The following KCNH7 variants were observed in gnomAD, a reference collection of about 807,000 sequenced individuals.
KCNH7 encodes the protein potassium voltage-gated channel subfamily H member 7.
Under a neutral mutation model 120.8 loss-of-function variants are expected in KCNH7, and 49 were observed. That is an observed-to-expected ratio of 0.41 (90% confidence interval 0.32 to 0.51). KCNH7 has a LOEUF of 0.51. Among genes scored for constraint, KCNH7 ranks in the 20% least tolerant of loss-of-function variants. The pLI, the probability that KCNH7 is intolerant of heterozygous loss-of-function variation, is 0.38. For synonymous variants in KCNH7, 547 were observed against 516.1 expected (o/e 1.06, Z -0.81); for missense variants, 1,097 against 1,446.6 (o/e 0.76, Z 3.92).
intron 3 of KCNH7, among the ~76,000 whole-genome samples, chr2:162,535,138 G>A (rs1692064245): frequency 6.6e-6 from 1 of 151,622 alleles, no homozygotes; most frequent in African/African-American, 2.4e-5. Context: ...TCAATTAATG[G>A]GGAATGTTTG....
At chr2:162,609,655 G>A (rs574664114) in intron 2 of KCNH7, among the ~76,000 whole-genome samples, 3 of 152,278 alleles carry the variant, frequency 2.0e-5, no homozygotes, top group South Asian at 4.1e-4. Flanking sequence ...CATAAATGAA[G>A]TTAAGGCAAA....
chr2:162,546,728 A>G (rs1255024461), intron 2 of KCNH7, among the ~76,000 whole-genome samples: 1 of 152,178 alleles, frequency 6.6e-6, no homozygotes, highest in Non-Finnish European at 1.5e-5. Context: ...ATAGCTTAGA[A>G]TGAATAAAAT....
At chr2:162,764,265 C>T (rs969765410) in intron 2 of KCNH7, among the ~76,000 whole-genome samples, 9 of 152,022 alleles carry the variant, frequency 5.9e-5, no homozygotes, top group Admixed American at 5.2e-4. Flanking sequence ...GCAGCAGCTA[C>T]AAGAAGCCAT....
intron 9 of KCNH7, among the ~76,000 whole-genome samples, chr2:162,401,585 C>A (rs1044351043): frequency 2.0e-5 from 3 of 151,866 alleles, no homozygotes; most frequent in Admixed American, 1.3e-4. Context: ...AAAAAACATA[C>A]AATTATTACT....
At chr2:162,543,332 C>A (rs1312737485) in intron 2 of KCNH7, among the ~76,000 whole-genome samples, 1 of 151,810 alleles carries the variant, frequency 6.6e-6, no homozygotes, top group African/African-American at 2.4e-5. Context: ...GATTAAATTA[C>A]AACAATAGTG....
intron 2 of KCNH7, among the ~76,000 whole-genome samples, chr2:162,558,439 G>A (rs1363949696): frequency 6.6e-6 from 1 of 150,616 alleles, no homozygotes; most frequent in Non-Finnish European, 1.5e-5. Flanking sequence ...CTCCCAAAGT[G>A]CTGGGATTAC....
chr2:162,418,973 A>G (rs1687620482), intron 9 of KCNH7, among the ~76,000 whole-genome samples: 1 of 151,944 alleles, frequency 6.6e-6, no homozygotes. Context: ...CTCGATTAAA[A>G]GCTCCAAAAG....
chr2:162,670,366 C>T (rs1204057020), intron 2 of KCNH7, among the ~76,000 whole-genome samples: 7 of 143,198 alleles, frequency 4.9e-5, no homozygotes, highest in Admixed American at 4.4e-4. Flanking sequence ...CTTAGCTACT[C>T]GGGAGTCTGA....
At chr2:162,569,130 T>C (rs1372129258) in intron 2 of KCNH7, among the ~76,000 whole-genome samples, 1 of 152,076 alleles carries the variant, frequency 6.6e-6, no homozygotes, top group African/African-American at 2.4e-5. Flanking sequence ...GCACCTCTGG[T>C]AGAATTCGGC....
At chr2:162,756,971 G>C (rs1039686917) in intron 2 of KCNH7, among the ~76,000 whole-genome samples, 20 of 152,092 alleles carry the variant, frequency 1.3e-4, no homozygotes, top group African/African-American at 4.6e-4. Context: ...GCCTAAGTTA[G>C]TCATCAAAAT....
chr2:162,625,630 A>G (rs1030437300), intron 2 of KCNH7, among the ~76,000 whole-genome samples: 1 of 152,140 alleles, frequency 6.6e-6, no homozygotes, highest in African/African-American at 2.4e-5. Flanking sequence ...ATATCAATAT[A>G]AGAGTCTTCA....
At position 162,622,752 on chromosome 2, in the gene KCNH7, G is replaced by T. The variant is rs534311490; in HGVS notation, c.308-85672C>A. Reference sequence around the variant, plus strand: ...TAAAACCTGGTAGTAAATCTCCTTAGAATAAAAAGTCCTGATTACAAATGT... The same window carrying T: ...TAAAACCTGGTAGTAAATCTCCTTATAATAAAAAGTCCTGATTACAAATGT... On this transcript the variant is annotated intron_variant, in intron 2 of 15. Coordinates refer to ENST00000332142, the MANE Select transcript of KCNH7 (RefSeq NM_033272.4). Among the ~76,000 whole-genome samples, 3 of 152,192 alleles carry T rather than the reference G, an allele frequency of 2.0e-5. No homozygotes were observed. The South Asian group carries it at 6.2e-4, about 32-fold the overall frequency.
intron 2 of KCNH7, among the ~76,000 whole-genome samples, chr2:162,684,644 T>C (rs1685823194): frequency 6.6e-6 from 1 of 152,084 alleles, no homozygotes; most frequent in African/African-American, 2.4e-5. Flanking sequence ...AAAACCACAA[T>C]GAGATGCCAT....
At chr2:162,558,468 C>T (rs1392947290) in intron 2 of KCNH7, among the ~76,000 whole-genome samples, 4 of 151,148 alleles carry the variant, frequency 2.6e-5, no homozygotes, top group Admixed American at 1.3e-4. Flanking sequence ...GCCACCGTGC[C>T]CGGCCAGGCT....
At position 162,752,366 on chromosome 2, in the gene KCNH7, A is replaced by G. The variant is rs189389368; in HGVS notation, c.307+84171T>C. 5.9e-5 allele frequency among the ~76,000 whole-genome samples: 9 copies of G among 152,322 alleles called. No homozygotes were observed. The East Asian group carries it at 1.5e-3, about 26-fold the overall frequency. ...AGATATCCCAAACTGTTATTGATAC[A>G]TGTCATTTCTTTGAAATCATTACCT... On this transcript the variant is annotated intron_variant, in intron 2 of 15. Coordinates refer to ENST00000332142, the MANE Select transcript of KCNH7 (RefSeq NM_033272.4).
At chr2:162,525,537 C>T (rs1691670871) in intron 3 of KCNH7, among the ~76,000 whole-genome samples, 1 of 151,962 alleles carries the variant, frequency 6.6e-6, no homozygotes, top group African/African-American at 2.4e-5. Context: ...AACACAGCAG[C>T]ATAATATACA....
intron 2 of KCNH7, among the ~76,000 whole-genome samples, chr2:162,834,800 T>G (rs1011397695): frequency 4.6e-5 from 7 of 152,098 alleles, no homozygotes; most frequent in Non-Finnish European, 8.8e-5. Flanking sequence ...TTGAAAACAC[T>G]CTGAAAGATA....
intron 2 of KCNH7, among the ~76,000 whole-genome samples, chr2:162,683,629 G>C (rs1685786396): frequency 6.6e-6 from 1 of 151,800 alleles, no homozygotes; most frequent in South Asian, 2.1e-4. Flanking sequence ...CCTTCCCTGT[G>C]TGTCTAAATT....
intron 2 of KCNH7, among the ~76,000 whole-genome samples, chr2:162,707,699 C>A (rs1686764189): frequency 6.6e-6 from 1 of 151,900 alleles, no homozygotes; most frequent in African/African-American, 2.4e-5. Flanking sequence ...GTATTAATAT[C>A]CTCAAAAAAT....
Sources: allele counts gnomAD v4.1 joint callset (sites outside exome capture counted in the v4.1 genomes callset), GRCh38; gene constraint gnomAD v4.1.1; transcripts MANE v1.5; gene names NCBI Gene and HGNC (gene_info 2026-07-23, HGNC 2026-07-21).